Variants in TXNDC11 observed in about 807,000 individuals in gnomAD.
The protein encoded by TXNDC11 is thioredoxin domain containing 11, also known as thioredoxin domain-containing protein 11.
TXNDC11 carries 68 observed loss-of-function variants against 78.0 expected under a neutral mutation model. That is an observed-to-expected ratio of 0.87 (90% CI 0.72 to 1.07). The LOEUF (loss-of-function observed/expected upper bound fraction) is 1.07, where lower values mean the gene tolerates loss of function less well. Among genes scored for constraint, TXNDC11 ranks in the 50% least tolerant of loss-of-function variants. The probability of loss-of-function intolerance (pLI) is 0.00; values close to 1 mark genes in which losing one functional copy is unlikely to be tolerated. For synonymous variants in TXNDC11, 571 were observed against 495.2 expected, an observed-to-expected ratio of 1.15 and a Z score of -2.03; for missense variants, 1,389 against 1,221.8, an observed-to-expected ratio of 1.14 and a Z score of -2.04.
At chr16:11,692,424 T>C (rs952447886) in intron 7 of TXNDC11, among the ~76,000 whole-genome samples, 1 of 152,074 alleles carries the variant, frequency 6.6e-6, no homozygotes, top group Admixed American at 6.5e-5. Context: ...CTTTATTTAT[T>C]AGAAGGGCCC....
At chr16:11,685,721 GT>G (rs1240210400) in intron 10 of TXNDC11, among the ~76,000 whole-genome samples, 2 of 151,844 alleles carry the variant, frequency 1.3e-5, no homozygotes, top group Non-Finnish European at 2.9e-5. Context: ...TTTACCAAAA[GT>G]TTACTAACAA....
rs1156447425 is a variant in TXNDC11, at chr16:11,698,179, C to T, written c.1053G>A (p.Leu351=). 1 of 1,614,218 alleles carries T rather than the reference C, an allele frequency of 6.2e-7. No homozygotes were observed. The highest frequency in any genetic ancestry group is 2.2e-5 in the East Asian group (1 of 44,888). The stretch of plus-strand genomic sequence containing the variant: ...GGGGATTAAAAGGTATGAACAGAAA[C>T]AGCGCTGGTCCTTTCTTCAGCTCGT... The part of the protein sequence containing the change: ...LNNELKKGPA[L]FLFIPFNPLA... Residue 351 remains leucine, a synonymous_variant, in exon 7 of 12, where the codon CTG becomes CTA. Coordinates refer to ENST00000283033, the MANE Select transcript of TXNDC11 (RefSeq NM_015914.7).
At chr16:11,698,050 G>C (rs2050905861) in intron 7 of TXNDC11, 75 bp downstream of exon 7, 2 of 1,383,384 alleles carry the variant, frequency 1.4e-6, no homozygotes, top group East Asian at 2.3e-5. Flanking sequence ...AAATGACTGA[G>C]TGTGGGATGA....
intron 7 of TXNDC11, among the ~76,000 whole-genome samples, chr16:11,695,523 G>A (rs958263491): frequency 2.1e-4 from 32 of 152,180 alleles, no homozygotes; most frequent in Non-Finnish European, 3.5e-4. Flanking sequence ...CTCATCTTGC[G>A]TAAGTACAGC....
chr16:11,688,175 C>T, intron 9 of TXNDC11, 128 bp downstream of exon 9: 1 of 1,060,924 alleles, frequency 9.4e-7, no homozygotes, highest in Non-Finnish European at 1.4e-6. Flanking sequence ...CATTCACGGT[C>T]CATAATTGGG....
At chr16:11,711,982 G>A (rs1243002659) in intron 5 of TXNDC11, among the ~76,000 whole-genome samples, 2 of 152,058 alleles carry the variant, frequency 1.3e-5, no homozygotes, top group Admixed American at 6.5e-5. Context: ...TTGTCTGCAC[G>A]GAGCTGTTTG....
At chr16:11,741,727 G>A (rs1373691270) in intron 1 of TXNDC11, among the ~76,000 whole-genome samples, 8 of 152,170 alleles carry the variant, frequency 5.3e-5, no homozygotes, top group Admixed American at 2.6e-4. Flanking sequence ...CACATAGTAG[G>A]TGCAGATAAA....
chr16:11,734,191 A>G lies in TXNDC11; in HGVS notation c.472-112T>C, dbSNP rs1597496541. The G allele has an allele frequency of 3.1e-5, 24 of 763,070 alleles. No homozygotes were observed. The East Asian group carries it at 6.3e-4, about 20-fold the overall frequency. 47.3% of individuals were successfully genotyped at this position (763,070 alleles called of 1,614,324 possible). A position where few individuals can be genotyped will look rare whatever the true frequency, so the allele number is the denominator to read the frequency against. ...TGATTCCTCTCTCACTGAAACAGAA[A>G]CTATGAAAAAAACTGTTTTGAGTTT... On this transcript the variant is annotated intron_variant, in intron 2 of 11. Coordinates refer to ENST00000283033, the MANE Select transcript of TXNDC11 (RefSeq NM_015914.7).
At chr16:11,709,897 G>T (rs1228920405) in intron 5 of TXNDC11, among the ~76,000 whole-genome samples, 1 of 152,178 alleles carries the variant, frequency 6.6e-6, no homozygotes, top group Non-Finnish European at 1.5e-5. Context: ...TTCTCATTTA[G>T]TAAGTCTAAA....
At position 11,691,601 on chromosome 16, in the gene TXNDC11, G is replaced by C. The variant is rs1262782538; in HGVS notation, c.1589C>G (p.Pro530Arg). The C allele has an allele frequency of 6.2e-7, 1 of 1,614,190 alleles. No homozygotes were observed. The highest frequency in any genetic ancestry group is 1.1e-5 in the South Asian group (1 of 91,090). Residue 530 changes from proline (P) to arginine (R), a missense_variant, in exon 8 of 12, where the codon CCT becomes CGT. Coordinates refer to ENST00000283033, the MANE Select transcript of TXNDC11 (RefSeq NM_015914.7). ...IDSEQGVFEA[P>R]TVAFSSLEKK... ...CTCAAGGGAAGAAAATGCAACAGTA[G>C]GGGCTTCAAAGACACCTTGTTCAGA...
At chr16:11,742,368 G>A in intron 1 of TXNDC11, 109 bp downstream of exon 1, 1 of 922,654 alleles carries the variant, frequency 1.1e-6, no homozygotes. Context: ...CCTGGGCAAG[G>A]TCAGGCCCGA....
At chr16:11,689,675 AGG>A (rs2050658893) in intron 8 of TXNDC11, among the ~76,000 whole-genome samples, 3 of 152,234 alleles carry the variant, frequency 2.0e-5, no homozygotes, top group Non-Finnish European at 4.4e-5. Flanking sequence ...ACACATTATG[AGG>A]TCATTAAACA....
chr16:11,717,191 C>T (rs1261548326), intron 5 of TXNDC11, among the ~76,000 whole-genome samples: 2 of 150,584 alleles, frequency 1.3e-5, no homozygotes, highest in Non-Finnish European at 2.9e-5. Flanking sequence ...TTTAGGAGGC[C>T]GAGGCAGGTG....
At chr16:11,714,693 T>A (rs1279497673) in intron 5 of TXNDC11, among the ~76,000 whole-genome samples, 1 of 152,042 alleles carries the variant, frequency 6.6e-6, no homozygotes, top group Non-Finnish European at 1.5e-5. Flanking sequence ...AAAGCTTTCT[T>A]CGCTTGGAGG....
chr16:11,742,520 C>G lies in TXNDC11; in HGVS notation c.211G>C (p.Ala71Pro). The G allele has an allele frequency of 1.4e-6, 2 of 1,457,746 alleles. No individual in the cohort carries two copies. The highest frequency in any genetic ancestry group is 9.0e-7 in the Non-Finnish European group (1 of 1,112,970). The allele number at this position is 1,457,746 out of a possible 1,614,324, so 90.3% of individuals were successfully genotyped here. Residue 71 changes from alanine (A) to proline (P), a missense_variant, in exon 1 of 12, where the codon GCG becomes CCG. Coordinates refer to ENST00000283033, the MANE Select transcript of TXNDC11 (RefSeq NM_015914.7). ...QRPELLCGAV[A>P]LGCALLLALK... is the part of the protein sequence containing the mutation. Reference sequence around the variant, plus strand: ...GCGAGGAGCAGCGCGCAGCCGAGCGCCACGGCCCCGCAGAGCAGCTCCGGC... The same window carrying G: ...GCGAGGAGCAGCGCGCAGCCGAGCGGCACGGCCCCGCAGAGCAGCTCCGGC...
chr16:11,710,848 C>T (rs1392405949), intron 5 of TXNDC11, among the ~76,000 whole-genome samples: 9 of 152,130 alleles, frequency 5.9e-5, no homozygotes, highest in African/African-American at 2.2e-4. Context: ...AATAAAATGA[C>T]TTCAGGACTC....
chr16:11,742,808 A>G lies in TXNDC11; in HGVS notation c.-78T>C. ...GGCCCGGCCCGGCCCGTTGCTCCCC[A>G]ATCCCGCAGCTCGCCGCACCCGCTA... On this transcript the variant is annotated 5_prime_UTR_variant, in exon 1 of 12. Coordinates refer to ENST00000283033, the MANE Select transcript of TXNDC11 (RefSeq NM_015914.7). 2 of 1,374,452 alleles carry G rather than the reference A, an allele frequency of 1.5e-6. No homozygotes were observed. The highest frequency in any genetic ancestry group is 3.6e-5 in the South Asian group (2 of 55,100). 85.1% of individuals were successfully genotyped at this position (1,374,452 alleles called of 1,614,324 possible).
intron 8 of TXNDC11, chr16:11,688,672 T>C (rs532591598): frequency 2.2e-5 from 9 of 414,620 alleles, no homozygotes; most frequent in Non-Finnish European, 2.2e-5. Context: ...CACTATGCAA[T>C]GTTAGATGCT....
At chr16:11,720,843 G>A (rs1408225351) in intron 5 of TXNDC11, among the ~76,000 whole-genome samples, 5 of 151,474 alleles carry the variant, frequency 3.3e-5, no homozygotes, top group Non-Finnish European at 7.4e-5. Context: ...CTACGTTGAA[G>A]CAAGTCTCCC....
Sources: allele counts gnomAD v4.1 joint callset (sites outside exome capture counted in the v4.1 genomes callset), GRCh38; gene constraint gnomAD v4.1.1; transcripts MANE v1.5; gene names NCBI Gene and HGNC (gene_info 2026-07-23, HGNC 2026-07-21).